ANO4: variants seen among roughly 807,000 people sequenced by gnomAD.
ANO4 encodes the protein anoctamin-4.
A neutral mutation model predicts 141.9 loss-of-function variants in ANO4; 69 were observed. That is an observed-to-expected ratio of 0.49 (90% confidence interval 0.40 to 0.59). ANO4 has a LOEUF of 0.59. ANO4 is among the 20% of genes least tolerant of loss of function. The pLI is 0.00. For missense variants in ANO4, 894 were observed against 1,162.2 expected (o/e 0.77, Z 3.36); for synonymous variants, 350 against 394.3 (o/e 0.89, Z 1.33).
chr12:101,046,436 T>C (rs1025554509), intron 13 of ANO4, among the ~76,000 whole-genome samples: 3 of 152,184 alleles, frequency 2.0e-5, no homozygotes, highest in African/African-American at 7.2e-5. Context: ...GTAGAGCTTA[T>C]GTATTTCTCT....
rs567510106 is a variant in ANO4 at position 101,085,568 on chromosome 12, A to T, written c.1537-1092A>T. Among the ~76,000 whole-genome samples the T allele has an allele frequency of 8.9e-4, 136 of 152,278 alleles. 1 individual carries two copies. The highest frequency in any genetic ancestry group is 3.1e-3 in the African/African-American group (129 of 41,552). The stretch of plus-strand genomic sequence containing the variant: ...AATACTACACTATTTTATAGAATGG[A>T]CTTGAGCATCTGTGGATTTTGGTAT... On this transcript the variant is annotated intron_variant, in intron 16 of 27. Transcript: ENST00000392977.
At chr12:101,056,909 G>GTTTTTTTTTTTTTTTTTTTTTTTTTTTT in intron 14 of ANO4, among the ~76,000 whole-genome samples, 1 of 149,396 alleles carries the variant, frequency 6.7e-6, no homozygotes, top group African/African-American at 2.5e-5. Flanking sequence ...GAACGTGCAG[G>GTTTTTTTTTTTTTTTTTTTTTTTTTTTT]TTTCTTACAT....
At chr12:100,795,428 A>C (rs997505335) in intron 1 of ANO4, among the ~76,000 whole-genome samples, 14 of 152,198 alleles carry the variant, frequency 9.2e-5, no homozygotes, top group African/African-American at 3.1e-4. Context: ...ACCTGCCCAC[A>C]TAGCAAACTC....
At chr12:100,925,802 T>TATAC (rs2041842582) in intron 3 of ANO4, among the ~76,000 whole-genome samples, 1 of 86,168 alleles carries the variant, frequency 1.2e-5, no homozygotes, top group East Asian at 2.5e-4. Context: ...TATATGTGTG[T>TATAC]ATACATACAT....
chr12:100,835,904 A>G (rs1020879833), intron 1 of ANO4, among the ~76,000 whole-genome samples: 4 of 152,104 alleles, frequency 2.6e-5, no homozygotes, highest in African/African-American at 9.7e-5. Flanking sequence ...AAGCACTTAC[A>G]TTATTTAATT....
intron 15 of ANO4, among the ~76,000 whole-genome samples, chr12:101,080,267 TTTG>T (rs1434901764): frequency 1.3e-5 from 2 of 152,064 alleles, no homozygotes; most frequent in Admixed American, 1.3e-4. Context: ...GAGAGGTATT[TTTG>T]TTGTTGTTGT....
chr12:100,973,179 A>G (rs2044005527), intron 6 of ANO4, among the ~76,000 whole-genome samples: 2 of 152,218 alleles, frequency 1.3e-5, no homozygotes, highest in Admixed American at 6.5e-5. Context: ...CCTACTAAAC[A>G]TGGCTTCACT....
chr12:100,864,900 A>G (rs2038675069), intron 1 of ANO4, among the ~76,000 whole-genome samples: 1 of 152,060 alleles, frequency 6.6e-6, no homozygotes, highest in South Asian at 2.1e-4. Context: ...ATGTGTCCTC[A>G]TTGTTCAACT....
intron 1 of ANO4, among the ~76,000 whole-genome samples, chr12:100,827,965 C>T (rs1169754936): frequency 2.0e-5 from 3 of 151,908 alleles, no homozygotes; most frequent in Admixed American, 2.0e-4. Flanking sequence ...GACGGGTGTC[C>T]CTTCACACCA....
intron 3 of ANO4, among the ~76,000 whole-genome samples, chr12:100,786,834 T>A (rs1388910336): frequency 6.6e-6 from 1 of 152,182 alleles, no homozygotes; most frequent in Non-Finnish European, 1.5e-5. Context: ...TAATTAGAAA[T>A]CAGTTCAGAG....
intron 2 of ANO4, among the ~76,000 whole-genome samples, chr12:100,907,689 A>G (rs1254832279): frequency 1.3e-5 from 2 of 152,214 alleles, no homozygotes; most frequent in African/African-American, 4.8e-5. Flanking sequence ...CTTCTTTCAT[A>G]TGACAATCCT....
rs376814194 is a variant in ANO4 at position 100,784,333 on chromosome 12, A to G, written c.358+44228A>G. On this transcript the variant is annotated intron_variant, in intron 3 of 29. Coordinates refer to the ANO4 transcript ENST00000644049. ...TAGGGATCTTCTAACTACACCCAGA[A>G]CACCCCTTGTCCCCTTTTGGAACAC... 3.4e-4 allele frequency among the ~76,000 whole-genome samples: 51 copies of G among 152,158 alleles called. 3 individuals are homozygous for G. In the East Asian group the frequency reaches 7.9e-3, roughly 24 times the overall value.
chr12:100,794,724 A>T (rs2034194269), upstream of ANO4: 1 of 151,620 alleles, frequency 6.6e-6, no homozygotes, highest in Non-Finnish European at 1.5e-5. Flanking sequence ...GGGGAGGGGG[A>T]GGACCAGTCC....
chr12:100,876,987 G>C (rs2039341790), intron 1 of ANO4, among the ~76,000 whole-genome samples: 1 of 152,164 alleles, frequency 6.6e-6, no homozygotes, highest in Admixed American at 6.5e-5. Context: ...GATGAACCTG[G>C]AGGATATTAT....
intron 17 of ANO4, among the ~76,000 whole-genome samples, chr12:101,091,550 A>T (rs1483768026): frequency 6.6e-6 from 1 of 152,210 alleles, no homozygotes; most frequent in Admixed American, 6.5e-5. Context: ...ACCAGTTCAG[A>T]AGTAAACTCT....
At chr12:101,082,684 G>A (rs2049332447) in intron 15 of ANO4, among the ~76,000 whole-genome samples, 1 of 152,056 alleles carries the variant, frequency 6.6e-6, no homozygotes, top group African/African-American at 2.4e-5. Flanking sequence ...GCCAGGCTGA[G>A]CCATGTGAAG....
intron 1 of ANO4, among the ~76,000 whole-genome samples, chr12:100,724,192 G>A (rs1178480083): frequency 6.6e-6 from 1 of 152,230 alleles, no homozygotes; most frequent in East Asian, 1.9e-4. Context: ...TAGGGTTCAT[G>A]AAAGGGCTTT....
intron 14 of ANO4, among the ~76,000 whole-genome samples, chr12:101,056,967 C>G: frequency 7.0e-6 from 1 of 143,132 alleles, no homozygotes; most frequent in Admixed American, 7.2e-5. Context: ...AAATCGTCAT[C>G]TACATTAGGT....
chr12:101,059,815 C>CTTT (rs1026078599), intron 14 of ANO4, among the ~76,000 whole-genome samples: 2 of 151,760 alleles, frequency 1.3e-5, no homozygotes, highest in Non-Finnish European at 2.9e-5. Context: ...ATTTTTTAAT[C>CTTT]TTTTTTAAAA....
Sources: gnomAD v4.1 joint callset for allele counts (sites outside exome capture counted in the v4.1 genomes callset) on GRCh38, gnomAD v4.1.1 for gene constraint, MANE v1.5 for transcripts, NCBI Gene and HGNC (gene_info 2026-07-23, HGNC 2026-07-21) for gene names.